STK38L: variants seen among roughly 807,000 people sequenced by gnomAD.
STK38L encodes the protein serine/threonine-protein kinase 38-like.
A neutral mutation model predicts 59.7 loss-of-function variants in STK38L; 28 were observed. That is an observed-to-expected ratio of 0.47 (90% CI 0.35 to 0.64). The LOEUF (loss-of-function observed/expected upper bound fraction) is 0.64. STK38L is among the 30% of genes least tolerant of loss of function. The pLI, the probability that STK38L is intolerant of heterozygous loss-of-function variation, is 0.01. For missense variants in STK38L, 314 were observed against 555.8 expected, an observed-to-expected ratio of 0.56 and a Z score of 4.37; for synonymous variants, 162 against 176.8, an observed-to-expected ratio of 0.92 and a Z score of 0.66.
chr12:27,320,572 G>A (rs530166543), intron 12 of STK38L, among the ~76,000 whole-genome samples: 3 of 150,956 alleles, frequency 2.0e-5, no homozygotes, highest in South Asian at 2.1e-4. Context: ...GATTACAGGC[G>A]CCTAGCCCAC....
At chr12:27,272,375 G>A (rs1943441674) in intron 1 of STK38L, among the ~76,000 whole-genome samples, 1 of 152,208 alleles carries the variant, frequency 6.6e-6, no homozygotes, top group Non-Finnish European at 1.5e-5. Flanking sequence ...GCTAGGGTGT[G>A]TATATTAGTG....
rs369538549 is a variant in STK38L, at chr12:27,319,283, T to C, written c.1080-45T>C. 498 of 1,278,592 alleles carry C rather than the reference T, an allele frequency of 3.9e-4. 2 individuals carry two copies. The highest frequency in any genetic ancestry group is 2.5e-3 in the Admixed American group (139 of 55,844). The allele number at this position is 1,278,592 out of a possible 1,614,324, so 79.2% of individuals were successfully genotyped here. A position where few individuals can be genotyped will look rare whatever the true frequency, so the allele number is the denominator to read the frequency against. ...TTGAAGTAATGCAGCTAGAATACTT[T>C]AGATGTAACTTGTGTATGATAATTT... On this transcript the variant is annotated intron_variant, in intron 11 of 13. Transcript: ENST00000389032.
rs561965510 is a variant in STK38L at position 27,246,692 on chromosome 12, C to A, written c.-12+2360C>A. Among the ~76,000 whole-genome samples the A allele has an allele frequency of 2.5e-3, 375 of 152,270 alleles. 1 individual carries two copies. The highest frequency in any genetic ancestry group is 8.8e-3 in the African/African-American group (366 of 41,546). On this transcript the variant is annotated intron_variant, in intron 1 of 13. Coordinates refer to ENST00000389032, the MANE Select transcript of STK38L (RefSeq NM_015000.4). Reference sequence around the variant, plus strand: ...AAGCATATCCTCCTCTTCTTCCCCCCAAAATTTTTGTTTAAGTCTTAAGAA... The same window carrying A: ...AAGCATATCCTCCTCTTCTTCCCCCAAAAATTTTTGTTTAAGTCTTAAGAA...
rs1314036406 is a variant in STK38L at position 27,269,752 on chromosome 12, C to G, written c.-12+25420C>G. ...TTGCCTCCTGGGTTCAAGTGATTCT[C>G]CTGCCTCAGCTTCCCGAGTAGCTGG... On this transcript the variant is annotated intron_variant, in intron 1 of 13. Transcript: ENST00000389032. Among the ~76,000 whole-genome samples the G allele has an allele frequency of 2.0e-5, 3 of 152,194 alleles. 1 individual carries two copies. The highest frequency in any genetic ancestry group is 4.4e-5 in the Non-Finnish European group (3 of 68,030).
At chr12:27,256,062 A>G (rs1269298178) in intron 1 of STK38L, among the ~76,000 whole-genome samples, 1 of 152,140 alleles carries the variant, frequency 6.6e-6, no homozygotes, top group African/African-American at 2.4e-5. Context: ...ACATCTAGTC[A>G]TTTTTTAGGT....
chr12:27,307,135 TTTAAAAAAAGACATTAAAGACA>T (rs1332143350), intron 3 of STK38L, among the ~76,000 whole-genome samples: 1 of 151,800 alleles, frequency 6.6e-6, no homozygotes, highest in Non-Finnish European at 1.5e-5. Flanking sequence ...GAAAAAGACA[TTTAAAAAAAGACATTAAAGACA>T]TTAAAAAAAG....
At chr12:27,292,746 A>G (rs567976488) in intron 1 of STK38L, among the ~76,000 whole-genome samples, 2 of 152,366 alleles carry the variant, frequency 1.3e-5, no homozygotes, top group South Asian at 4.1e-4. Context: ...AAAGAACATC[A>G]TAATCATTAC....
intron 1 of STK38L, among the ~76,000 whole-genome samples, chr12:27,281,811 G>A (rs1199212659): frequency 6.6e-6 from 1 of 152,080 alleles, no homozygotes; most frequent in African/African-American, 2.4e-5. Context: ...GAGACGGGTG[G>A]ATCATCTGAG....
intron 1 of STK38L, among the ~76,000 whole-genome samples, chr12:27,280,810 C>A (rs1943637776): frequency 6.6e-6 from 1 of 152,198 alleles, no homozygotes; most frequent in Admixed American, 6.5e-5. Context: ...GCATAGATTT[C>A]CAACAGCTTA....
At chr12:27,311,380 CT>C in intron 5 of STK38L, among the ~76,000 whole-genome samples, 1 of 152,310 alleles carries the variant, frequency 6.6e-6, no homozygotes, top group East Asian at 1.9e-4. Flanking sequence ...AAATATGACA[CT>C]TTAAGCAGAT....
chr12:27,288,754 T>C (rs1943833683), intron 1 of STK38L, among the ~76,000 whole-genome samples: 2 of 152,134 alleles, frequency 1.3e-5, no homozygotes, highest in African/African-American at 4.8e-5. Flanking sequence ...TGTTTTCATT[T>C]TGTTTTACCT....
chr12:27,300,102 A>G (rs996360623), intron 2 of STK38L, among the ~76,000 whole-genome samples: 1 of 152,122 alleles, frequency 6.6e-6, no homozygotes, highest in Non-Finnish European at 1.5e-5. Flanking sequence ...TCTTTTTCCA[A>G]ATAAAGGAAA....
rs192609687 is a variant in STK38L at position 27,290,244 on chromosome 12, A to G, written c.-11-7466A>G. ...TATTATTATATTTATTTAACAGGAA[A>G]CTGACACACAGAAAGTTTAAAGTTT... On this transcript the variant is annotated intron_variant, in intron 1 of 13. Transcript: ENST00000389032. Among the ~76,000 whole-genome samples the G allele has an allele frequency of 3.9e-5, 6 of 152,344 alleles. No homozygotes were observed. In the East Asian group the frequency reaches 1.2e-3, roughly 29 times the overall value.
At chr12:27,320,630 C>A (rs1774450554) in intron 12 of STK38L, among the ~76,000 whole-genome samples, 1 of 151,864 alleles carries the variant, frequency 6.6e-6, no homozygotes, top group Non-Finnish European at 1.5e-5. Flanking sequence ...TTTATTGTGT[C>A]CAGCACTGTT....
At chr12:27,276,516 G>A (rs144448600) in intron 1 of STK38L, among the ~76,000 whole-genome samples, 2 of 152,128 alleles carry the variant, frequency 1.3e-5, no homozygotes, top group African/African-American at 4.8e-5. Context: ...GGAGAGAGTT[G>A]TGCTTTGTTA....
Position 27,297,836 on chromosome 12 carries a change from AT to A in STK38L, c.117del (p.His39GlnfsTer11). 1 of 1,614,142 alleles carries A rather than the reference AT, an allele frequency of 6.2e-7. No individual in the cohort carries two copies. The highest frequency in any genetic ancestry group is 8.5e-7 in the Non-Finnish European group (1 of 1,180,026). On this transcript the variant is annotated frameshift_variant, in exon 2 of 14. Transcript: ENST00000389032. LOFTEE classifies it high-confidence loss of function. ...TTTTATAGCAACCTAATTTTACAGC[AT>A]GAAGAGAGAGAAACCAGGTATAGTA... The part of the protein sequence containing the change: ...ENFYSNLILQ[H>X]EERETRQKKL...
intron 2 of STK38L, chr12:27,300,507 C>T: frequency 6.6e-6 from 3 of 455,882 alleles, no homozygotes; most frequent in Non-Finnish European, 1.3e-5. Context: ...TATGTTATAG[C>T]TCCTCCCAGA....
intron 11 of STK38L, 148 bp downstream of exon 11, chr12:27,318,167 C>A: frequency 9.7e-7 from 1 of 1,032,120 alleles, no homozygotes; most frequent in Non-Finnish European, 1.4e-6. Flanking sequence ...AAAATGTAAA[C>A]TCTTAAAAGG....
intron 10 of STK38L, 173 bp from the exon 11 acceptor site, chr12:27,317,723 C>A: frequency 1.2e-6 from 1 of 862,616 alleles, no homozygotes; most frequent in Non-Finnish European, 1.7e-6. Flanking sequence ...GCTTTCAATC[C>A]TTTATTTTAT....
Sources: gnomAD v4.1 joint callset for allele counts (sites outside exome capture counted in the v4.1 genomes callset) on GRCh38, gnomAD v4.1.1 for gene constraint, MANE v1.5 for transcripts, NCBI Gene and HGNC (gene_info 2026-07-23, HGNC 2026-07-21) for gene names.